Variants in PRKD1 observed in about 807,000 individuals in gnomAD.
PRKD1 encodes serine/threonine-protein kinase D1.
In PRKD1, 63 loss-of-function variants were observed where a neutral mutation model predicts 95.9. The ratio of observed to expected loss-of-function variants is 0.66; its 90% CI spans 0.54 to 0.81. PRKD1 has a LOEUF of 0.81. Among genes scored for constraint, PRKD1 ranks in the 30% least tolerant of loss-of-function variants. PRKD1 has a pLI of 0.00. For missense variants in PRKD1, 1,048 were observed against 1,165.3 expected (o/e 0.90, Z 1.47); for synonymous variants, 425 against 423.1 (o/e 1.00, Z -0.05).
intron 16 of PRKD1, among the ~76,000 whole-genome samples, chr14:29,579,130 C>G (rs1892670844): frequency 6.6e-6 from 1 of 151,836 alleles, no homozygotes. Flanking sequence ...AAAAGTAATA[C>G]TCATCGTTAT....
At chr14:29,614,043 C>T (rs1374068506) in intron 13 of PRKD1, among the ~76,000 whole-genome samples, 3 of 152,154 alleles carry the variant, frequency 2.0e-5, no homozygotes, top group Non-Finnish European at 4.4e-5. Context: ...TAAGAATATC[C>T]TGTGGTCTGA....
intron 1 of PRKD1, among the ~76,000 whole-genome samples, chr14:29,727,904 G>A (rs1486577687): frequency 7.3e-5 from 11 of 150,866 alleles, no homozygotes; most frequent in Non-Finnish European, 1.2e-4. Context: ...GTAAACTATC[G>A]CAAGAACAAA....
intron 1 of PRKD1, among the ~76,000 whole-genome samples, chr14:29,779,148 A>G (rs998552643): frequency 1.3e-5 from 2 of 152,204 alleles, no homozygotes; most frequent in African/African-American, 2.4e-5. Flanking sequence ...CAAAATGATA[A>G]GACCTATTTA....
chr14:29,851,322 G>C (rs1249901620), intron 1 of PRKD1, among the ~76,000 whole-genome samples: 2 of 151,934 alleles, frequency 1.3e-5, no homozygotes. Context: ...TTCACAAACT[G>C]TGCATCCTAC....
At chr14:29,868,962 A>G (rs1381573810) in intron 1 of PRKD1, among the ~76,000 whole-genome samples, 1 of 152,214 alleles carries the variant, frequency 6.6e-6, no homozygotes, top group Non-Finnish European at 1.5e-5. Flanking sequence ...AATAATAGCA[A>G]AAAAAGAACT....
chr14:29,820,991 G>C (rs1174487000), intron 1 of PRKD1, among the ~76,000 whole-genome samples: 2 of 152,120 alleles, frequency 1.3e-5, no homozygotes, highest in Non-Finnish European at 2.9e-5. Context: ...AACTCTGGAA[G>C]TCATTAACAG....
chr14:29,711,226 T>C (rs1299096792), intron 2 of PRKD1, among the ~76,000 whole-genome samples: 1 of 152,118 alleles, frequency 6.6e-6, no homozygotes, highest in Non-Finnish European at 1.5e-5. Flanking sequence ...ATAACAATGT[T>C]ATAACATGTT....
intron 4 of PRKD1, among the ~76,000 whole-genome samples, chr14:29,648,341 G>T: frequency 6.6e-6 from 1 of 151,120 alleles, no homozygotes; most frequent in South Asian, 2.1e-4. Context: ...TTGAGGCAAG[G>T]CCTGGTACTT....
At chr14:29,688,993 C>G (rs1250891748) in intron 2 of PRKD1, among the ~76,000 whole-genome samples, 1 of 148,974 alleles carries the variant, frequency 6.7e-6, no homozygotes, top group Non-Finnish European at 1.5e-5. Context: ...AAAAGAAAAC[C>G]CGAAAGTATA....
chr14:29,672,646 C>CCAAGGAAT (rs1395089137), intron 2 of PRKD1, among the ~76,000 whole-genome samples: 1 of 151,850 alleles, frequency 6.6e-6, no homozygotes, highest in Non-Finnish European at 1.5e-5. Context: ...GGTTGACTTG[C>CCAAGGAAT]CAAGGAATCA....
chr14:29,909,525 G>A (rs1441754784), intron 1 of PRKD1, among the ~76,000 whole-genome samples: 1 of 152,104 alleles, frequency 6.6e-6, no homozygotes, highest in Non-Finnish European at 1.5e-5. Context: ...AGGGATTGTA[G>A]ATACACCAAT....
rs771199171 is a variant in PRKD1 at position 29,577,349 on chromosome 14, C to T, written c.2628G>A (p.Gln876=). 2 of 1,613,674 alleles carry T rather than the reference C, an allele frequency of 1.2e-6. No homozygotes were observed. Among genetic ancestry groups the T allele is most frequent in the East Asian group, 4.5e-5 (2 of 44,874 alleles). Reference sequence around the variant, plus strand: ...TCAGGTGTGTGGGGTACTGCAGCCCCTGCTCGCCTGCATACTTCTCCCACC... The same window carrying T: ...TCAGGTGTGTGGGGTACTGCAGCCCTTGCTCGCCTGCATACTTCTCCCACC... The part of the protein sequence containing the change: ...DLRWEKYAGE[Q]GLQYPTHLIN... Residue 876 remains glutamine (Q), a synonymous_variant, in exon 18 of 18, where the codon CAG becomes CAA. Transcript: ENST00000331968.
At chr14:29,907,726 G>A (rs1442058323) in intron 1 of PRKD1, among the ~76,000 whole-genome samples, 1 of 152,136 alleles carries the variant, frequency 6.6e-6, no homozygotes, top group Non-Finnish European at 1.5e-5. Flanking sequence ...ACGTGTCAAA[G>A]ATGACATTCA....
intron 1 of PRKD1, among the ~76,000 whole-genome samples, chr14:29,786,949 T>C (rs1235736762): frequency 6.6e-6 from 1 of 152,098 alleles, no homozygotes; most frequent in Non-Finnish European, 1.5e-5. Flanking sequence ...TTTTTACTTT[T>C]TCGATTTAGG....
At chr14:29,728,268 C>T (rs1391096268) in intron 1 of PRKD1, among the ~76,000 whole-genome samples, 1 of 152,166 alleles carries the variant, frequency 6.6e-6, no homozygotes, top group African/African-American at 2.4e-5. Flanking sequence ...ACCTCATGCA[C>T]TATTTTAAAA....
chr14:29,726,796 A>AC (rs1886169943), intron 1 of PRKD1, among the ~76,000 whole-genome samples: 2 of 152,038 alleles, frequency 1.3e-5, no homozygotes, highest in Admixed American at 1.3e-4. Context: ...TTAAAAAAAA[A>AC]AAACACAACA....
At chr14:29,910,846 A>G (rs1020464067) in intron 1 of PRKD1, among the ~76,000 whole-genome samples, 7 of 152,180 alleles carry the variant, frequency 4.6e-5, no homozygotes, top group African/African-American at 1.7e-4. Flanking sequence ...TGTCCCAGCT[A>G]AAAGCCTTGG....
intron 1 of PRKD1, among the ~76,000 whole-genome samples, chr14:29,849,571 C>CA (rs1261436845): frequency 2.2e-5 from 3 of 138,782 alleles, no homozygotes; most frequent in African/African-American, 9.0e-5. Context: ...ACAACAACAA[C>CA]AACAACAAAA....
At chr14:29,790,814 T>C (rs918557952) in intron 1 of PRKD1, among the ~76,000 whole-genome samples, 1 of 152,194 alleles carries the variant, frequency 6.6e-6, no homozygotes, top group Admixed American at 6.5e-5. Flanking sequence ...ACAAAAAAGT[T>C]AGTCTTGCAT....
Sources: gnomAD v4.1 joint callset for allele counts (sites outside exome capture counted in the v4.1 genomes callset) on GRCh38, gnomAD v4.1.1 for gene constraint, MANE v1.5 for transcripts, NCBI Gene and HGNC (gene_info 2026-07-23, HGNC 2026-07-21) for gene names.